Variants in RNF123 observed in about 807,000 individuals in gnomAD.
RNF123 encodes E3 ubiquitin-protein ligase RNF123.
RNF123 carries 86 observed loss-of-function variants against 168.5 expected under a neutral mutation model. That is an observed-to-expected ratio of 0.51 (90% CI 0.43 to 0.61). The LOEUF is 0.61. Among genes scored for constraint, RNF123 ranks in the 20% least tolerant of loss-of-function variants. The pLI, the probability that RNF123 is intolerant of heterozygous loss-of-function variation, is 0.00. For missense variants in RNF123, 1,419 were observed against 1,729.7 expected (o/e 0.82, Z 3.19); for synonymous variants, 666 against 689.1 (o/e 0.97, Z 0.52).
intron 31 of RNF123, among the ~76,000 whole-genome samples, chr3:49,715,175 G>C (rs1271328055): frequency 2.6e-5 from 4 of 152,266 alleles, no homozygotes; most frequent in African/African-American, 9.6e-5. Context: ...GTTTGCAGCA[G>C]GGCTTAGAGT....
At chr3:49,697,971 T>G (rs1015569285) in intron 6 of RNF123, 32 bp downstream of exon 6, 8 of 1,614,010 alleles carry the variant, frequency 5.0e-6, no homozygotes, top group Admixed American at 1.7e-5. Flanking sequence ...GCCTAGGTAG[T>G]GAGGAGAAAG....
At chr3:49,704,793 G>C in intron 22 of RNF123, 37 bp downstream of exon 22, 2 of 1,529,396 alleles carry the variant, frequency 1.3e-6, no homozygotes, top group South Asian at 2.4e-5. Context: ...ATTTGTGTTG[G>C]GCTTATCCTG....
chr3:49,700,754 C>T (rs889039068), intron 15 of RNF123, 45 bp downstream of exon 15: 4 of 1,600,650 alleles, frequency 2.5e-6, no homozygotes, highest in Non-Finnish European at 8.6e-7. Flanking sequence ...GGGGTGCCCT[C>T]TGGACTCAGC....
chr3:49,705,031 G>A lies in RNF123; in HGVS notation c.2007G>A (p.Arg669=), dbSNP rs1166553094. 3.1e-6 allele frequency: 5 copies of A among 1,609,764 alleles called. No individual in the cohort carries two copies. In the African/African-American group the frequency reaches 5.3e-5, roughly 17 times the overall value. Residue 669 remains arginine (R), a synonymous_variant, in exon 23 of 39, where the codon CGG becomes CGA. Transcript: ENST00000327697. ...TTGGGGGGCCACTGCCCCTGCCCCG[G>A]CCCGGCTGGCTCAGTTCTCCAACTT... The part of the protein sequence containing the change: ...LAVGGPLPLP[R]PGWLSSPTLG...
chr3:49,702,607 G>A, intron 19 of RNF123, 26 bp from the exon 20 acceptor site: 1 of 1,614,228 alleles, frequency 6.2e-7, no homozygotes, highest in South Asian at 1.1e-5. Context: ...TGGCACCAAT[G>A]CATGTTTCAT....
chr3:49,699,687 A>G lies in RNF123; in HGVS notation c.899A>G (p.Lys300Arg). The change falls in exon 12 of 39, where the codon AAG (lysine) becomes AGG (arginine). Residue 300 changes from lysine (K) to arginine (R), a missense_variant. Lys to Arg is a conservative substitution (Grantham distance 26, BLOSUM62 2). Coordinates refer to ENST00000327697, the MANE Select transcript of RNF123 (RefSeq NM_022064.5). The surrounding 1 kb of genome is among the most constrained non-coding windows in gnomAD (Gnocchi z 4.8). ...LDPVEGRLLD[K>R]ESSKWRLRGQ... Reference sequence around the variant, plus strand: ...ACACAGGAGGGGCGGCTGTTGGACAAGGAGAGCTCCAAGTGGCGGTTGCGG... The same window carrying G: ...ACACAGGAGGGGCGGCTGTTGGACAGGGAGAGCTCCAAGTGGCGGTTGCGG... 1 of 1,613,834 alleles carries G rather than the reference A, an allele frequency of 6.2e-7. No homozygotes were observed. Among genetic ancestry groups the G allele is most frequent in the Non-Finnish European group, 8.5e-7 (1 of 1,179,974 alleles).
rs779167265 is a variant in RNF123 at position 49,720,511 on chromosome 3, G to A, written c.3501G>A (p.Glu1167=). 9.5e-6 allele frequency: 15 copies of A among 1,578,552 alleles called. No individual in the cohort carries two copies. The highest frequency in any genetic ancestry group is 1.8e-5 in the Admixed American group (1 of 56,000). Residue 1167 remains glutamate (E), a splice_region_variant and synonymous_variant, in exon 36 of 39, where the codon GAG becomes GAA. Coordinates refer to ENST00000327697, the MANE Select transcript of RNF123 (RefSeq NM_022064.5). The stretch of plus-strand genomic sequence containing the variant: ...TGCCCTTGCACCCTCCCCTACCTAG[G>A]AGAGAGCAAGCCACATCAGTGCTCC... ...VQLLVRGPAS[E]REQATSVLLA... is the part of the protein sequence containing the mutation.
Position 49,714,295 on chromosome 3 carries a change from A to G in RNF123, c.3010+121A>G, listed in dbSNP as rs1373121426. The G allele has an allele frequency of 1.5e-5, 13 of 878,754 alleles. No homozygotes were observed. The South Asian group carries it at 1.5e-4, about 10-fold the overall frequency. 54.4% of individuals were successfully genotyped at this position (878,754 alleles called of 1,614,324 possible). A position where few individuals can be genotyped will look rare whatever the true frequency, so the allele number is the denominator to read the frequency against. On this transcript the variant is annotated intron_variant, in intron 31 of 38. Coordinates refer to ENST00000327697, the MANE Select transcript of RNF123 (RefSeq NM_022064.5). ...CTCTCTGGTTCCCCCATTGGGTCCC[A>G]GACTCCCTACGTGTCCCCTGGGGTT...
chr3:49,709,700 A>T (rs1300822726), intron 26 of RNF123, among the ~76,000 whole-genome samples: 1 of 151,808 alleles, frequency 6.6e-6, no homozygotes, highest in Non-Finnish European at 1.5e-5. Flanking sequence ...CGGCCTCCCA[A>T]AGTGCTGGGG....
chr3:49,703,559 T>C, intron 21 of RNF123, 31 bp downstream of exon 21: 1 of 1,580,056 alleles, frequency 6.3e-7, no homozygotes, highest in Non-Finnish European at 8.7e-7. Context: ...CGGGAGCAGT[T>C]CTGGGGCCAG....
chr3:49,717,916 AGGGTGGGGGCCT>A lies in RNF123; in HGVS notation c.3500+1449_3500+1460del, dbSNP rs767268722. On this transcript the variant is annotated intron_variant, in intron 35 of 38. Coordinates refer to ENST00000327697, the MANE Select transcript of RNF123 (RefSeq NM_022064.5). Reference sequence around the variant, plus strand: ...AGCAGGGAGCAGGGCGAGCAGCAAGAGGGTGGGGGCCTGGGTGGGGGAGCCCTGGGCAGTCTA... The same window carrying A: ...AGCAGGGAGCAGGGCGAGCAGCAAGAGGGTGGGGGAGCCCTGGGCAGTCTA... The A allele has an allele frequency of 4.5e-6, 7 of 1,548,726 alleles. No homozygotes were observed. The East Asian group carries it at 1.4e-4, about 32-fold the overall frequency.
chr3:49,691,568 T>A, intron 3 of RNF123, 59 bp downstream of exon 3: 1 of 1,411,416 alleles, frequency 7.1e-7, no homozygotes, highest in Non-Finnish European at 1.0e-6. Context: ...ATAAGGAGGC[T>A]GCAGTTGTAG....
chr3:49,721,274 C>A lies in RNF123; in HGVS notation c.3914C>A (p.Ala1305Asp). 1 of 1,614,178 alleles carries A rather than the reference C, an allele frequency of 6.2e-7. No homozygotes were observed. Among genetic ancestry groups the A allele is most frequent in the Non-Finnish European group, 8.5e-7 (1 of 1,180,020 alleles). ...IVSVEDWEKG[A>D]NTSTTSSAA ...TCTGTAGAGGACTGGGAGAAGGGAG[C>A]CAATACGAGTACTACCTCCTCAGCT... is the stretch of plus-strand genomic sequence containing the variant. Residue 1305 changes from alanine (A) to aspartate (D), a missense_variant, in exon 39 of 39, where the codon GCC becomes GAC. By Grantham distance (126) the Ala-to-Asp change is moderately radical. Around this residue, in one of 5 missense-constraint regions of RNF123, gnomAD observed 50 missense variants for 77.2 expected, o/e 0.65. Transcript: ENST00000327697.
At chr3:49,703,847 C>T (rs1464968771) in intron 21 of RNF123, among the ~76,000 whole-genome samples, 1 of 152,216 alleles carries the variant, frequency 6.6e-6, no homozygotes, top group Non-Finnish European at 1.5e-5. Flanking sequence ...GGGCTGAGGG[C>T]ACAGCGAGAG....
chr3:49,717,822 G>T (rs976202129), intron 35 of RNF123: 2 of 1,005,906 alleles, frequency 2.0e-6, no homozygotes, highest in Non-Finnish European at 2.9e-6. Flanking sequence ...TGTGTTTCGA[G>T]GCCCATACAG....
At chr3:49,712,201 G>A (rs2108196388) in intron 26 of RNF123, among the ~76,000 whole-genome samples, 1 of 150,644 alleles carries the variant, frequency 6.6e-6, no homozygotes, top group Middle Eastern at 3.4e-3. Flanking sequence ...ACTCCAGCCT[G>A]GGTGACTCCA....
At chr3:49,713,024 A>G (rs1256551117) in intron 27 of RNF123, 18 of 678,558 alleles carry the variant, frequency 2.7e-5, no homozygotes, top group Non-Finnish European at 4.6e-5. Context: ...TCAGGGGCAG[A>G]ATGGTTTGTC....
intron 31 of RNF123, 76 bp downstream of exon 31, chr3:49,714,250 C>T (rs2080198418): frequency 7.7e-7 from 1 of 1,297,274 alleles, no homozygotes; most frequent in Non-Finnish European, 1.1e-6. Flanking sequence ...TTCTTTCAGA[C>T]TCTCCACTTC....
At chr3:49,714,972 C>T (rs760629706) in intron 31 of RNF123, among the ~76,000 whole-genome samples, 6 of 152,246 alleles carry the variant, frequency 3.9e-5, no homozygotes, top group African/African-American at 4.8e-5. Context: ...AAGTGGAGAG[C>T]GGCAGTGGGG....
Sources: allele counts gnomAD v4.1 joint callset (sites outside exome capture counted in the v4.1 genomes callset), GRCh38; gene constraint gnomAD v4.1.1; regional missense constraint gnomAD v4.1.1; non-coding constraint Gnocchi (gnomAD v3.1); transcripts MANE v1.5; gene names NCBI Gene and HGNC (gene_info 2026-07-23, HGNC 2026-07-21).